Variants in ERAP2 observed in about 807,000 individuals in gnomAD.
ERAP2 encodes the protein leukocyte-derived arginine aminopeptidase.
ERAP2 carries 118 observed loss-of-function variants against 111.1 expected under a neutral mutation model. The ratio of observed to expected loss-of-function variants is 1.06; its 90% confidence interval spans 0.92 to 1.24. The LOEUF (loss-of-function observed/expected upper bound fraction) is 1.24, where lower values mean the gene tolerates loss of function less well. Ranked by LOEUF, ERAP2 falls within the 50% of genes most tolerant of loss-of-function variation. The pLI is 0.00. For synonymous variants in ERAP2, 410 were observed against 401.2 expected (o/e 1.02, Z -0.26); for missense variants, 1,131 against 1,125.8 (o/e 1.00, Z -0.07).
chr5:96,878,443 T>C (rs1473732994), intron 1 of ERAP2, among the ~76,000 whole-genome samples: 1 of 152,034 alleles, frequency 6.6e-6, no homozygotes, highest in Non-Finnish European at 1.5e-5. Context: ...ATAGAATATA[T>C]ATATAGAATA....
At position 96,919,070 on chromosome 5, in the gene ERAP2, TCAAAA is replaced by T. The variant is rs1221305465; in HGVS notation, c.*1469_*1473del. On this transcript the variant is annotated 3_prime_UTR_variant, in exon 19 of 19. Coordinates refer to ENST00000437043, the MANE Select transcript of ERAP2 (RefSeq NM_022350.5). ...AAATACAGATAAGTTTTAGAAAGAC[TCAAAA>T]CAATATGTAAATGACTGATGTTTGC... 6.6e-6 allele frequency: 1 copy of T among 152,158 alleles called. No homozygotes were observed. The highest frequency in any genetic ancestry group is 1.5e-5 in the Non-Finnish European group (1 of 68,016). The allele number at this position is 152,158 out of a possible 1,614,324, so 9.4% of individuals were successfully genotyped here.
intron 17 of ERAP2, 54 bp from the exon 18 acceptor site, chr5:96,915,633 TA>T (rs1787297342): frequency 5.7e-6 from 6 of 1,045,702 alleles, no homozygotes; most frequent in Non-Finnish European, 8.2e-6. Flanking sequence ...CATGATATAA[TA>T]AACATAAGGT....
chr5:96,889,370 T>C, intron 5 of ERAP2, 65 bp downstream of exon 5: 2 of 1,543,364 alleles, frequency 1.3e-6, no homozygotes, highest in Non-Finnish European at 1.8e-6. Context: ...ATCTCTTCCC[T>C]CTTTCTCTTT....
At chr5:96,911,316 T>C (rs1421200693) in intron 15 of ERAP2, among the ~76,000 whole-genome samples, 1 of 152,234 alleles carries the variant, frequency 6.6e-6, no homozygotes, top group East Asian at 1.9e-4. Context: ...CAATGCTCTG[T>C]GTTGTGTTTT....
In ERAP2 at chr5:96,881,898, C is replaced by T. The variant is rs1394417017; in HGVS notation, c.575+1638C>T. On this transcript the variant is annotated intron_variant, in intron 2 of 18. Coordinates refer to ENST00000437043, the MANE Select transcript of ERAP2 (RefSeq NM_022350.5). ...TAGCCTCACCAAGTCACAAGGTAGC[C>T]TGTAAGAAGTAACTCTCTTATCTGG... 2.0e-5 allele frequency among the ~76,000 whole-genome samples: 3 copies of T among 152,190 alleles called. No individual in the cohort carries two copies. In the East Asian group the frequency reaches 5.8e-4, roughly 29 times the overall value.
chr5:96,881,430 G>C (rs752834732), intron 2 of ERAP2: 10 of 456,146 alleles, frequency 2.2e-5, no homozygotes, highest in Admixed American at 4.7e-5. Context: ...AATCAAGGAT[G>C]CTTCATAGAG....
chr5:96,912,507 G>A (rs1786909315), intron 15 of ERAP2, 130 bp from the exon 16 acceptor site: 1 of 558,904 alleles, frequency 1.8e-6, no homozygotes, highest in South Asian at 3.0e-5. Context: ...GTTCGGCAGA[G>A]AAAAAGATTT....
At chr5:96,907,158 C>G (rs1040281627) in intron 13 of ERAP2, among the ~76,000 whole-genome samples, 8 of 152,138 alleles carry the variant, frequency 5.3e-5, no homozygotes, top group Non-Finnish European at 1.2e-4. Flanking sequence ...TACTGTTGAG[C>G]TAAGGTTTAT....
rs547934821 is a variant in ERAP2 at position 96,888,274 on chromosome 5, C to T, written c.850-911C>T. Among the ~76,000 whole-genome samples, 9 of 152,290 alleles carry T rather than the reference C, an allele frequency of 5.9e-5. No homozygotes were observed. The South Asian group carries it at 1.9e-3, about 32-fold the overall frequency. On this transcript the variant is annotated intron_variant, in intron 4 of 18. Transcript: ENST00000437043. The stretch of plus-strand genomic sequence containing the variant: ...ACATACACATCATGGCACCTCTGCA[C>T]TTAGACATGGATGTCTATGCATAGA...
intron 10 of ERAP2, 119 bp downstream of exon 10, chr5:96,900,308 CCA>C: frequency 7.1e-7 from 1 of 1,410,996 alleles, no homozygotes; most frequent in South Asian, 1.7e-5. Flanking sequence ...AAGAGAGCCC[CCA>C]CGATTTTCTC....
intron 15 of ERAP2, among the ~76,000 whole-genome samples, chr5:96,911,246 C>G (rs762280212): frequency 1.3e-5 from 2 of 152,164 alleles, no homozygotes; most frequent in Non-Finnish European, 2.9e-5. Context: ...GGTATGGAGA[C>G]TAGTACAATC....
chr5:96,914,895 A>G (rs1287478661), intron 17 of ERAP2, among the ~76,000 whole-genome samples: 1 of 151,932 alleles, frequency 6.6e-6, no homozygotes, highest in Non-Finnish European at 1.5e-5. Flanking sequence ...TTATATTGTT[A>G]TAAATTTATA....
chr5:96,917,284 T>TA (rs1787522633), intron 18 of ERAP2, among the ~76,000 whole-genome samples, 178 bp from the exon 19 acceptor site: 2 of 152,070 alleles, frequency 1.3e-5, no homozygotes, highest in African/African-American at 2.4e-5. Context: ...TTTTTGTTGT[T>TA]GTTGTTGTTA....
At chr5:96,889,056 C>A in intron 4 of ERAP2, 129 bp from the exon 5 acceptor site, 1 of 1,115,522 alleles carries the variant, frequency 9.0e-7, no homozygotes, top group Non-Finnish European at 1.3e-6. Flanking sequence ...TTATTGACAA[C>A]ATGCTTAATG....
At chr5:96,903,331 TAA>T (rs1785686380) in intron 12 of ERAP2, 44 bp from the exon 13 acceptor site, 1 of 1,448,618 alleles carries the variant, frequency 6.9e-7, no homozygotes, top group East Asian at 2.3e-5. Flanking sequence ...ATGTTCTGAA[TAA>T]GTTTGTTGAT....
intron 11 of ERAP2, among the ~76,000 whole-genome samples, chr5:96,902,008 A>T (rs1458163405): frequency 1.3e-5 from 2 of 152,230 alleles, no homozygotes; most frequent in Non-Finnish European, 2.9e-5. Context: ...TTGTTATGGT[A>T]TGAGATTAGG....
At chr5:96,911,882 G>GAAAAAAAA (rs1176253119) in intron 15 of ERAP2, among the ~76,000 whole-genome samples, 1 of 109,654 alleles carries the variant, frequency 9.1e-6, no homozygotes, top group Non-Finnish European at 1.8e-5. Context: ...AAAAAAAAAA[G>GAAAAAAAA]AAAGAAAGAA....
chr5:96,907,606 GCCAGGTGGCTCATGCCTGTAATC>G (rs1786238375), intron 13 of ERAP2, among the ~76,000 whole-genome samples: 2 of 151,838 alleles, frequency 1.3e-5, no homozygotes, highest in Non-Finnish European at 2.9e-5. Context: ...GACTAGCCGG[GCCAGGTGGCTCATGCCTGTAATC>G]CCAGCATTTT....
intron 15 of ERAP2, among the ~76,000 whole-genome samples, chr5:96,911,350 T>C (rs1456517283): frequency 6.6e-6 from 1 of 152,234 alleles, no homozygotes; most frequent in African/African-American, 2.4e-5. Context: ...ATAACAGTTC[T>C]TATTGATCCG....
Sources: gnomAD v4.1 joint callset for allele counts (sites outside exome capture counted in the v4.1 genomes callset) on GRCh38, gnomAD v4.1.1 for gene constraint, MANE v1.5 for transcripts, NCBI Gene and HGNC (gene_info 2026-07-23, HGNC 2026-07-21) for gene names.